The following ARHGEF4 variants were observed in gnomAD, a reference collection of about 807,000 sequenced individuals.
ARHGEF4 encodes APC-stimulated guanine nucleotide exchange factor 1.
In ARHGEF4, 119 loss-of-function variants were observed where a neutral mutation model predicts 162.0. The observed-to-expected ratio is 0.73, with a 90% CI of 0.63 to 0.86. The LOEUF (loss-of-function observed/expected upper bound fraction) is 0.86, where lower values mean the gene tolerates loss of function less well. Among genes scored for constraint, ARHGEF4 ranks in the 40% least tolerant of loss-of-function variants. The pLI, the probability that ARHGEF4 is intolerant of heterozygous loss-of-function variation, is 0.00. For synonymous variants in ARHGEF4, 1,014 were observed against 979.9 expected (o/e 1.03, Z -0.65); for missense variants, 2,488 against 2,456.0 (o/e 1.01, Z -0.28).
chr2:130,982,003 A>G (rs1573517806), intron 4 of ARHGEF4, among the ~76,000 whole-genome samples: 1 of 152,230 alleles, frequency 6.6e-6, no homozygotes, highest in East Asian at 1.9e-4. Context: ...CAAACTGCCA[A>G]TACATTTTTT....
chr2:130,959,813 C>CAA (rs1684527556), intron 4 of ARHGEF4, among the ~76,000 whole-genome samples: 3 of 152,224 alleles, frequency 2.0e-5, no homozygotes, highest in African/African-American at 4.8e-5. Context: ...TGGCTTCTTT[C>CAA]CATCCAGCAC....
At chr2:130,856,621 T>G (rs1216250270) in intron 1 of ARHGEF4, among the ~76,000 whole-genome samples, 1 of 152,212 alleles carries the variant, frequency 6.6e-6, no homozygotes, top group African/African-American at 2.4e-5. Flanking sequence ...TCTTCTTAAC[T>G]GTTTAGAAAG....
At position 131,041,233 on chromosome 2, in the gene ARHGEF4, G is replaced by A. The variant is rs766571910; in HGVS notation, c.4666G>A (p.Ala1556Thr). 2 of 1,612,988 alleles carry A rather than the reference G, an allele frequency of 1.2e-6. No homozygotes were observed. Among genetic ancestry groups the A allele is most frequent in the African/African-American group, 2.7e-5 (2 of 74,936 alleles). ...ELGACFLEHQ[A>T]DFQIYSEYCN... ...AACCTCCAGCTGTGCCCCTTAGCAA[G>A]CCGACTTCCAGATCTACTCGGAGTA... Residue 1556 changes from alanine to threonine, a missense_variant, in exon 9 of 14, where the codon GCC becomes ACC. Ala to Thr is a moderately conservative substitution (Grantham distance 58, BLOSUM62 0). Coordinates refer to ENST00000409359, the MANE Select transcript of ARHGEF4 (RefSeq NM_001367493.1).
chr2:130,857,005 G>A (rs927479144), intron 1 of ARHGEF4, among the ~76,000 whole-genome samples: 9 of 152,168 alleles, frequency 5.9e-5, no homozygotes, highest in South Asian at 2.1e-4. Context: ...GGTGGATCAC[G>A]AGGTCAGGAG....
intron 2 of ARHGEF4, 81 bp from the exon 3 acceptor site, chr2:130,930,871 C>A: frequency 7.2e-7 from 1 of 1,380,332 alleles, no homozygotes; most frequent in Non-Finnish European, 9.8e-7. Context: ...CCAAAAGGAA[C>A]TAGGCAGAGG....
intron 4 of ARHGEF4, among the ~76,000 whole-genome samples, chr2:131,012,258 T>C (rs764779907): frequency 6.6e-6 from 1 of 151,878 alleles, no homozygotes; most frequent in African/African-American, 2.4e-5. Context: ...AGGGAGCAGT[T>C]TTCCCCTCCA....
At chr2:130,933,734 G>C (rs558299903) in intron 3 of ARHGEF4, among the ~76,000 whole-genome samples, 2 of 152,262 alleles carry the variant, frequency 1.3e-5, no homozygotes, top group East Asian at 3.9e-4. Flanking sequence ...ATTATCCATT[G>C]CTAGAGCATA....
intron 4 of ARHGEF4, among the ~76,000 whole-genome samples, chr2:130,999,733 G>A (rs1055425157): frequency 1.3e-5 from 2 of 151,746 alleles, no homozygotes; most frequent in African/African-American, 4.8e-5. Flanking sequence ...ATGGAGTTTT[G>A]CTCTTGTCGC....
chr2:130,953,958 G>A (rs1162394493), intron 4 of ARHGEF4, among the ~76,000 whole-genome samples: 1 of 152,214 alleles, frequency 6.6e-6, no homozygotes, highest in Non-Finnish European at 1.5e-5. Flanking sequence ...GTTGGTGGGA[G>A]TGTAAACTAG....
At chr2:130,997,649 A>C (rs1260943080) in intron 4 of ARHGEF4, among the ~76,000 whole-genome samples, 2 of 152,160 alleles carry the variant, frequency 1.3e-5, no homozygotes, top group African/African-American at 4.8e-5. Flanking sequence ...TCTAATCCTA[A>C]TTCTGCAAGG....
At chr2:130,976,104 T>A (rs935187032) in intron 4 of ARHGEF4, among the ~76,000 whole-genome samples, 1 of 151,788 alleles carries the variant, frequency 6.6e-6, no homozygotes, top group Non-Finnish European at 1.5e-5. Flanking sequence ...GTGAAACAAG[T>A]GAGGGAATGG....
chr2:130,877,763 T>C (rs551905378), intron 1 of ARHGEF4, among the ~76,000 whole-genome samples: 2 of 152,218 alleles, frequency 1.3e-5, no homozygotes, highest in African/African-American at 4.8e-5. Context: ...GAACAACATA[T>C]CTCCCTTATT....
In ARHGEF4 at chr2:130,914,507, G is replaced by A. The variant is rs1411928810; in HGVS notation, c.561G>A (p.Arg187=). ...GACACACAGGGTGCTGCTTACAGAG[G>A]GCCACAGACAGCAGTGGTCCTGAGC... The part of the protein sequence containing the change: ...VPRHTGCCLQ[R]ATDSSGPEPV... Residue 187 remains arginine (R), a synonymous_variant, in exon 2 of 14, where the codon AGG becomes AGA. Transcript: ENST00000409359. 3 of 1,429,260 alleles carry A rather than the reference G, an allele frequency of 2.1e-6. No individual in the cohort carries two copies. The highest frequency in any genetic ancestry group is 1.4e-5 in the African/African-American group (1 of 69,572). The allele number at this position is 1,429,260 out of a possible 1,614,324, so 88.5% of individuals were successfully genotyped here.
At chr2:131,025,863 A>G (rs1245030233) in intron 4 of ARHGEF4, among the ~76,000 whole-genome samples, 1 of 152,200 alleles carries the variant, frequency 6.6e-6, no homozygotes, top group African/African-American at 2.4e-5. Context: ...TTCAAAGTTC[A>G]TATTTTCACC....
In ARHGEF4 at chr2:130,998,472, A is replaced by G. The variant is rs557246300; in HGVS notation, c.3986-29473A>G. Among the ~76,000 whole-genome samples the G allele has an allele frequency of 6.6e-5, 10 of 152,066 alleles. No individual in the cohort carries two copies. In the South Asian group the frequency reaches 1.2e-3, roughly 19 times the overall value. On this transcript the variant is annotated intron_variant, in intron 4 of 13. Coordinates refer to ENST00000409359, the MANE Select transcript of ARHGEF4 (RefSeq NM_001367493.1). ...CCTAATGATCCCCTGCACTCCACCT[A>G]TTCTCCCCGCACCTTTGGCCACTGA...
chr2:131,043,797 C>T, intron 11 of ARHGEF4: 1 of 599,288 alleles, frequency 1.7e-6, no homozygotes, highest in Non-Finnish European at 2.9e-6. Context: ...AGGCCGGGTG[C>T]TGTTGAGAGC....
intron 4 of ARHGEF4, among the ~76,000 whole-genome samples, chr2:130,949,135 A>T (rs1683800132): frequency 6.6e-6 from 1 of 151,332 alleles, no homozygotes; most frequent in Non-Finnish European, 1.5e-5. Flanking sequence ...TTTTTTTCTC[A>T]CCTGTGTTCA....
In ARHGEF4 at chr2:131,012,969, T is replaced by C. The variant is rs185011175; in HGVS notation, c.3986-14976T>C. ...TTCTTTACACGTACAAAATGAGAGA[T>C]TTATGTAAAAACCACACCTTCAAGA... On this transcript the variant is annotated intron_variant, in intron 4 of 13. Coordinates refer to ENST00000409359, the MANE Select transcript of ARHGEF4 (RefSeq NM_001367493.1). Among the ~76,000 whole-genome samples the C allele has an allele frequency of 2.0e-5, 3 of 152,230 alleles. No individual in the cohort carries two copies. The East Asian group carries it at 5.8e-4, about 29-fold the overall frequency.
chr2:130,903,834 C>T (rs1024960753), intron 1 of ARHGEF4, among the ~76,000 whole-genome samples: 9 of 152,172 alleles, frequency 5.9e-5, no homozygotes, highest in Non-Finnish European at 8.8e-5. Context: ...TAGCTCCATC[C>T]ATTTACACAA....
Sources: allele counts gnomAD v4.1 joint callset (sites outside exome capture counted in the v4.1 genomes callset), GRCh38; gene constraint gnomAD v4.1.1; transcripts MANE v1.5; gene names NCBI Gene and HGNC (gene_info 2026-07-23, HGNC 2026-07-21).